Variants in MYO1E observed in about 807,000 individuals in gnomAD.
MYO1E encodes myosin IE.
In MYO1E, 68 loss-of-function variants were observed where a neutral mutation model predicts 151.1. That is an observed-to-expected ratio of 0.45 (90% CI 0.37 to 0.55). The LOEUF is 0.55. Among genes scored for constraint, MYO1E ranks in the 20% least tolerant of loss-of-function variants. The pLI is 0.00. For synonymous variants in MYO1E, 601 were observed against 501.7 expected, an observed-to-expected ratio of 1.20 and a Z score of -2.64; for missense variants, 1,363 against 1,389.3, an observed-to-expected ratio of 0.98 and a Z score of 0.30.
At chr15:59,208,624 A>C in intron 14 of MYO1E, 57 bp downstream of exon 14, 1 of 1,597,650 alleles carries the variant, frequency 6.3e-7, no homozygotes, top group Non-Finnish European at 8.6e-7. Context: ...ATGAGAAACC[A>C]GATCACAAAC....
intron 2 of MYO1E, among the ~76,000 whole-genome samples, chr15:59,265,792 T>TTA (rs775309857): frequency 0.016 from 1,699 of 106,306 alleles, 84 homozygotes; most frequent in African/African-American, 0.044. Flanking sequence ...CCCATCTCCT[T>TTA]AAAAAAAAAA....
chr15:59,182,546 C>A (rs542122876), intron 18 of MYO1E, among the ~76,000 whole-genome samples: 7 of 152,172 alleles, frequency 4.6e-5, no homozygotes, highest in African/African-American at 1.7e-4. Flanking sequence ...AGTATGACAA[C>A]AATAAAAGAG....
intron 1 of MYO1E, among the ~76,000 whole-genome samples, chr15:59,338,150 T>A (rs2080740855): frequency 7.2e-6 from 1 of 138,464 alleles, no homozygotes. Context: ...CAAGAAAAAG[T>A]GTTCAAGTCT....
chr15:59,240,217 G>T (rs1002997992), intron 4 of MYO1E, among the ~76,000 whole-genome samples: 5 of 152,218 alleles, frequency 3.3e-5, no homozygotes, highest in African/African-American at 1.2e-4. Context: ...TGACCTGCTG[G>T]ATCCCAGTCT....
At chr15:59,161,461 C>A (rs770184091) in intron 23 of MYO1E, among the ~76,000 whole-genome samples, 1 of 152,166 alleles carries the variant, frequency 6.6e-6, no homozygotes, top group Non-Finnish European at 1.5e-5. Flanking sequence ...CCGTGAGACA[C>A]CAGGTGGTGA....
At position 59,272,398 on chromosome 15, in the gene MYO1E, T is replaced by G. The variant is rs761037623; in HGVS notation, c.55A>C (p.Ser19Arg). ...YHWQSHNVKH[S>R]GVDDMVLLSK... ...AGTAGCACCATGTCGTCCACACCAC[T>G]GTGCTTGACATTGTGGCTTTGCCAG... The change falls in exon 2 of 28, where the codon AGT becomes CGT. Residue 19 changes from serine to arginine, a missense_variant. Ser to Arg is a moderately radical substitution (Grantham distance 110). Transcript: ENST00000288235. The G allele has an allele frequency of 1.9e-6, 3 of 1,614,024 alleles. No homozygotes were observed. In the South Asian group the frequency reaches 3.3e-5, roughly 18 times the overall value.
In MYO1E at chr15:59,202,320, A is replaced by AGCCGCCGCCGC; in HGVS notation, c.1698+5_1698+6insGCGGCGGCGGC. ...GAATCTATAAACTTCCTAAAATAGA[A>AGCCGCCGCCGC]CTAACCTTTATTTTGCTTCCGGCAG... is the stretch of plus-strand genomic sequence containing the variant. On this transcript the variant is annotated splice_donor_region_variant and intron_variant, in intron 16 of 27. Transcript: ENST00000288235. 6.2e-7 allele frequency: 1 copy of AGCCGCCGCCGC among 1,612,178 alleles called. No homozygotes were observed. The highest frequency in any genetic ancestry group is 1.3e-5 in the African/African-American group (1 of 74,880).
At chr15:59,308,982 G>A (rs974679291) in intron 1 of MYO1E, among the ~76,000 whole-genome samples, 17 of 151,648 alleles carry the variant, frequency 1.1e-4, no homozygotes, top group Non-Finnish European at 1.5e-4. Flanking sequence ...GCTTGGTGAC[G>A]CATGCCTGTG....
intron 18 of MYO1E, among the ~76,000 whole-genome samples, chr15:59,180,297 G>T (rs1429254659): frequency 2.6e-5 from 4 of 152,212 alleles, no homozygotes; most frequent in Non-Finnish European, 5.9e-5. Flanking sequence ...CTGTCTAGAT[G>T]TGATTGGGGG....
At chr15:59,142,515 G>C (rs768654435) in intron 26 of MYO1E, among the ~76,000 whole-genome samples, 10 of 152,160 alleles carry the variant, frequency 6.6e-5, no homozygotes, top group Admixed American at 2.6e-4. Flanking sequence ...TCTGTCCTTC[G>C]TGTCTTCCTT....
chr15:59,148,846 T>G (rs1333697287), intron 26 of MYO1E, among the ~76,000 whole-genome samples: 2 of 152,126 alleles, frequency 1.3e-5, no homozygotes, highest in Admixed American at 6.5e-5. Context: ...CTCTGGAGTA[T>G]CTTGAAATTT....
At chr15:59,312,985 A>T (rs2080562382) in intron 1 of MYO1E, among the ~76,000 whole-genome samples, 1 of 152,048 alleles carries the variant, frequency 6.6e-6, no homozygotes, top group African/African-American at 2.4e-5. Context: ...AGATCACGCC[A>T]TTGCACTGCA....
chr15:59,184,108 G>A (rs1447474953), intron 18 of MYO1E, among the ~76,000 whole-genome samples: 1 of 152,156 alleles, frequency 6.6e-6, no homozygotes, highest in Non-Finnish European at 1.5e-5. Context: ...TTGGGTTCCA[G>A]CAATCCTTTC....
intron 1 of MYO1E, among the ~76,000 whole-genome samples, chr15:59,325,843 A>G (rs1370685140): frequency 1.3e-5 from 2 of 152,128 alleles, no homozygotes; most frequent in East Asian, 3.9e-4. Flanking sequence ...TCTGTTTTTC[A>G]GTGTCTGACC....
chr15:59,225,188 T>C (rs1175943190), intron 7 of MYO1E, among the ~76,000 whole-genome samples: 2 of 152,222 alleles, frequency 1.3e-5, no homozygotes, highest in Non-Finnish European at 2.9e-5. Context: ...GTTAAAAAAC[T>C]GCCATGCAGC....
At chr15:59,195,358 A>C in intron 17 of MYO1E, 103 bp downstream of exon 17, 1 of 999,224 alleles carries the variant, frequency 1.0e-6, no homozygotes, top group Non-Finnish European at 1.6e-6. Flanking sequence ...TGACAAAGAC[A>C]TGTGCGGACA....
chr15:59,264,088 A>T (rs1555415267), intron 2 of MYO1E, among the ~76,000 whole-genome samples: 1 of 152,096 alleles, frequency 6.6e-6, no homozygotes, highest in Non-Finnish European at 1.5e-5. Flanking sequence ...GCTTTTTTTC[A>T]TATTTTGGAA....
chr15:59,187,667 G>T (rs1055272964), intron 18 of MYO1E, among the ~76,000 whole-genome samples: 1 of 152,218 alleles, frequency 6.6e-6, no homozygotes, highest in African/African-American at 2.4e-5. Context: ...TAGCCAAGAA[G>T]TGGAAACAAC....
At chr15:59,198,837 A>AC (rs1215068329) in intron 16 of MYO1E, among the ~76,000 whole-genome samples, 3 of 150,512 alleles carry the variant, frequency 2.0e-5, no homozygotes, top group East Asian at 2.0e-4. Context: ...AAACAAAAAA[A>AC]AAACAAACCA....
Sources: allele counts gnomAD v4.1 joint callset (sites outside exome capture counted in the v4.1 genomes callset), GRCh38; gene constraint gnomAD v4.1.1; transcripts MANE v1.5; gene names NCBI Gene and HGNC (gene_info 2026-07-23, HGNC 2026-07-21).